NIBAN1: variants seen among roughly 807,000 people sequenced by gnomAD.
NIBAN1 encodes niban apoptosis regulator 1, also known as protein Niban 1.
NIBAN1 carries 81 observed loss-of-function variants against 75.1 expected under a neutral mutation model. The observed-to-expected ratio is 1.08, with a 90% CI of 0.90 to 1.30. The LOEUF (loss-of-function observed/expected upper bound fraction) is 1.30. Among genes scored for constraint, NIBAN1 ranks in the 50% most tolerant of loss-of-function variants. The probability of loss-of-function intolerance (pLI) is 0.00; values close to 1 mark genes in which losing one functional copy is unlikely to be tolerated. For synonymous variants in NIBAN1, 436 were observed against 424.8 expected (o/e 1.03, Z -0.32); for missense variants, 1,133 against 1,128.1 (o/e 1.00, Z -0.06).
chr1:184,920,974 A>G (rs531314515), intron 1 of NIBAN1, among the ~76,000 whole-genome samples: 5 of 152,244 alleles, frequency 3.3e-5, no homozygotes, highest in Non-Finnish European at 7.4e-5. Context: ...TACTAAAAAT[A>G]CAAAATTAGC....
intron 5 of NIBAN1, among the ~76,000 whole-genome samples, chr1:184,875,079 AAAT>A (rs1408325932): frequency 6.6e-6 from 1 of 152,188 alleles, no homozygotes. Flanking sequence ...CGTAAGTTAA[AAAT>A]AATAATAATA....
intron 3 of NIBAN1, among the ~76,000 whole-genome samples, chr1:184,892,212 G>A (rs1571552022): frequency 6.6e-6 from 1 of 152,140 alleles, no homozygotes; most frequent in Non-Finnish European, 1.5e-5. Flanking sequence ...TTTACCACAG[G>A]CCCAGCCATA....
At chr1:184,810,393 C>T (rs751954313) in intron 9 of NIBAN1, among the ~76,000 whole-genome samples, 23 of 152,112 alleles carry the variant, frequency 1.5e-4, no homozygotes, top group Non-Finnish European at 2.5e-4. Flanking sequence ...TTTTTAACAA[C>T]CAGGTGATGA....
At chr1:184,867,170 T>TCA (rs796646559) in intron 5 of NIBAN1, among the ~76,000 whole-genome samples, 7 of 150,288 alleles carry the variant, frequency 4.7e-5, no homozygotes, top group East Asian at 1.9e-4. Context: ...TCTCTCTCTC[T>TCA]CACACACACA....
At chr1:184,921,898 TATA>T in intron 1 of NIBAN1, among the ~76,000 whole-genome samples, 1 of 152,224 alleles carries the variant, frequency 6.6e-6, no homozygotes, top group East Asian at 1.9e-4. Context: ...GCAGTAATTG[TATA>T]ATAATATCAA....
At chr1:184,940,779 A>C (rs924508881) in intron 1 of NIBAN1, among the ~76,000 whole-genome samples, 1 of 152,222 alleles carries the variant, frequency 6.6e-6, no homozygotes, top group African/African-American at 2.4e-5. Context: ...CTGCATTCTC[A>C]GTTAATAGAT....
intron 5 of NIBAN1, among the ~76,000 whole-genome samples, chr1:184,882,810 G>C (rs537748709): frequency 2.6e-5 from 4 of 152,152 alleles, no homozygotes; most frequent in Non-Finnish European, 4.4e-5. Flanking sequence ...CTACTAGACC[G>C]AGGCCCTAAA....
intron 11 of NIBAN1, among the ~76,000 whole-genome samples, chr1:184,804,135 T>C (rs926840416): frequency 6.6e-6 from 1 of 152,186 alleles, no homozygotes. Flanking sequence ...CACTGTGACA[T>C]GTTAACCAAA....
intron 9 of NIBAN1, among the ~76,000 whole-genome samples, chr1:184,815,042 C>T (rs984138172): frequency 1.3e-5 from 2 of 152,050 alleles, no homozygotes; most frequent in Admixed American, 1.3e-4. Context: ...AGTTTAGAAC[C>T]AATATTCACT....
intron 1 of NIBAN1, among the ~76,000 whole-genome samples, chr1:184,965,901 C>T (rs1238383948): frequency 6.6e-6 from 1 of 152,184 alleles, no homozygotes; most frequent in Non-Finnish European, 1.5e-5. Flanking sequence ...TGTGGAACTG[C>T]ACCATGAGTA....
intron 1 of NIBAN1, among the ~76,000 whole-genome samples, chr1:184,943,296 T>C (rs1296568864): frequency 1.3e-5 from 2 of 152,002 alleles, no homozygotes; most frequent in Non-Finnish European, 2.9e-5. Flanking sequence ...GGGTTTAGCC[T>C]GAGAAAGTAA....
At chr1:184,899,092 C>T in intron 2 of NIBAN1, 87 bp downstream of exon 2, 2 of 1,475,788 alleles carry the variant, frequency 1.4e-6, no homozygotes, top group Non-Finnish European at 1.9e-6. Flanking sequence ...AACTGCCATT[C>T]AAATTATTGT....
At chr1:184,867,864 C>G (rs554114780) in intron 5 of NIBAN1, 1 of 985,312 alleles carries the variant, frequency 1.0e-6, no homozygotes, top group Non-Finnish European at 1.2e-6. Context: ...AGACCCTTAC[C>G]TTAATAGAGG....
chr1:184,930,151 C>G (rs1657783214), intron 1 of NIBAN1, among the ~76,000 whole-genome samples: 1 of 152,146 alleles, frequency 6.6e-6, no homozygotes, highest in South Asian at 2.1e-4. Flanking sequence ...GCCGAGCTTT[C>G]CTTTATCCTC....
intron 1 of NIBAN1, among the ~76,000 whole-genome samples, chr1:184,943,221 T>C (rs905119655): frequency 3.3e-5 from 5 of 152,180 alleles, no homozygotes; most frequent in Admixed American, 3.3e-4. Flanking sequence ...ATATTTTCAG[T>C]TACAAAATTT....
intron 5 of NIBAN1, among the ~76,000 whole-genome samples, chr1:184,870,564 CT>C (rs1441985237): frequency 1.1e-4 from 17 of 152,150 alleles, no homozygotes; most frequent in African/African-American, 3.9e-4. Flanking sequence ...AAGAAGGTGG[CT>C]TTTGAGTCAT....
intron 12 of NIBAN1, among the ~76,000 whole-genome samples, chr1:184,802,628 A>G (rs543125564): frequency 1.3e-5 from 2 of 152,368 alleles, no homozygotes; most frequent in African/African-American, 4.8e-5. Context: ...GACCAATGAC[A>G]TGTTGCAGTA....
At chr1:184,884,828 C>T (rs751565397) in intron 4 of NIBAN1, 28 bp from the exon 5 acceptor site, 1 of 1,608,058 alleles carries the variant, frequency 6.2e-7, no homozygotes, top group Non-Finnish European at 8.5e-7. Context: ...ACACAAATAC[C>T]TTTTAAAACA....
At chr1:184,934,586 A>T (rs1229689038) in intron 1 of NIBAN1, among the ~76,000 whole-genome samples, 1 of 152,196 alleles carries the variant, frequency 6.6e-6, no homozygotes, top group Non-Finnish European at 1.5e-5. Context: ...CAACACAGTA[A>T]GACTCCATCT....
Sources: allele counts gnomAD v4.1 joint callset (sites outside exome capture counted in the v4.1 genomes callset), GRCh38; gene constraint gnomAD v4.1.1; transcripts MANE v1.5; gene names NCBI Gene and HGNC (gene_info 2026-07-23, HGNC 2026-07-21).